HSPA14: variants seen among roughly 807,000 people sequenced by gnomAD.
HSPA14 encodes heat shock protein family A (Hsp70) member 14, also known as heat shock 70 kDa protein 14.
HSPA14 carries 37 observed loss-of-function variants against 65.5 expected under a neutral mutation model. The observed-to-expected ratio is 0.56, with a 90% CI of 0.43 to 0.74. HSPA14 has a LOEUF of 0.74. Among genes scored for constraint, HSPA14 ranks in the 30% least tolerant of loss-of-function variants. The pLI is 0.00. For synonymous variants in HSPA14, 203 were observed against 214.2 expected (o/e 0.95, Z 0.46); for missense variants, 564 against 607.6 (o/e 0.93, Z 0.75).
intron 13 of HSPA14, 56 bp from the exon 14 acceptor site, chr10:14,871,472 T>C (rs747718496): frequency 3.7e-4 from 385 of 1,029,056 alleles, no homozygotes; most frequent in Non-Finnish European, 5.5e-4. Flanking sequence ...TGTTACAGAC[T>C]TTATGTTTTT....
intron 3 of HSPA14, among the ~76,000 whole-genome samples, chr10:14,847,857 ATC>A (rs1834073857): frequency 6.6e-6 from 1 of 152,228 alleles, no homozygotes; most frequent in African/African-American, 2.4e-5. Flanking sequence ...AAGAACTGTG[ATC>A]ATTTACAAGA....
In HSPA14 at chr10:14,867,279, G is replaced by A. The variant is rs1832815401; in HGVS notation, c.1190G>A (p.Arg397Lys). Reference protein sequence around the residue: ...EDSLMIECSARDILVKGVDES... With the variant: ...EDSLMIECSAKDILVKGVDES... ...TCTCTTATGATAGAGTGTTCAGCCAGAGATATTTTAGTTAAGGTATGTTTA... is the reference window on the plus strand; with the variant it reads ...TCTCTTATGATAGAGTGTTCAGCCAAAGATATTTTAGTTAAGGTATGTTTA... Residue 397 changes from arginine to lysine, a missense_variant, in exon 11 of 14, where the codon AGA becomes AAA. Physicochemically the swap from Arg to Lys is conservative, Grantham distance 26. Coordinates refer to ENST00000378372, the MANE Select transcript of HSPA14 (RefSeq NM_016299.4). 1.9e-6 allele frequency: 3 copies of A among 1,612,700 alleles called. No homozygotes were observed. Among genetic ancestry groups the A allele is most frequent in the Admixed American group, 1.7e-5 (1 of 59,984 alleles).
rs1465530334 is a variant in HSPA14, at chr10:14,842,685, A to T, written c.221+2528A>T. On this transcript the variant is annotated intron_variant, in intron 3 of 13. Transcript: ENST00000378372. The surrounding 1 kb of genome is among the most constrained non-coding windows in gnomAD (Gnocchi z 5.2). ...GTGGCCTCTGACGCCCCAGGGGAAG[A>T]GGGAACCGGCATTCTAAAATCAAAA... is the stretch of plus-strand genomic sequence containing the variant. 3 of 1,536,354 alleles carry T rather than the reference A, an allele frequency of 2.0e-6. No homozygotes were observed. Among genetic ancestry groups the T allele is most frequent in the Non-Finnish European group, 2.6e-6 (3 of 1,146,962 alleles).
intron 12 of HSPA14, among the ~76,000 whole-genome samples, chr10:14,869,444 GCAC>G (rs1832836026): frequency 6.6e-6 from 1 of 151,862 alleles, no homozygotes; most frequent in Non-Finnish European, 1.5e-5. Flanking sequence ...CTACAGGCAT[GCAC>G]CACCACACCT....
At chr10:14,862,193 A>G (rs1446631449) in intron 10 of HSPA14, among the ~76,000 whole-genome samples, 1 of 149,334 alleles carries the variant, frequency 6.7e-6, no homozygotes, top group Non-Finnish European at 1.5e-5. Flanking sequence ...ACACCCGGCT[A>G]ATTTTTTTGT....
chr10:14,857,146 C>T (rs2131643272), intron 10 of HSPA14, among the ~76,000 whole-genome samples: 1 of 152,132 alleles, frequency 6.6e-6, no homozygotes, highest in South Asian at 2.1e-4. Flanking sequence ...TGCTAATGTC[C>T]TAAAAAGGAA....
At chr10:14,859,024 T>C (rs1231374360) in intron 10 of HSPA14, among the ~76,000 whole-genome samples, 1 of 152,086 alleles carries the variant, frequency 6.6e-6, no homozygotes, top group Non-Finnish European at 1.5e-5. Flanking sequence ...TTCTCTCATC[T>C]CTTGCTTGAG....
intron 10 of HSPA14, among the ~76,000 whole-genome samples, chr10:14,861,530 C>T (rs559523806): frequency 3.4e-4 from 51 of 152,210 alleles, no homozygotes; most frequent in African/African-American, 1.0e-3. Context: ...AGGCTGGTCT[C>T]AAACTCCTGG....
Position 14,838,479 on chromosome 10 carries a change from G to T in HSPA14, c.57+20G>T, listed in dbSNP as rs1385689652. On this transcript the variant is annotated intron_variant, in intron 1 of 13. Transcript: ENST00000378372. ...TATAAGGTGAGGGGCTGCGGAGCTGGGCTAGGGCTTCATGACGGCCACCCG... is the reference window on the plus strand; with the variant it reads ...TATAAGGTGAGGGGCTGCGGAGCTGTGCTAGGGCTTCATGACGGCCACCCG... 2 of 1,589,964 alleles carry T rather than the reference G, an allele frequency of 1.3e-6. No homozygotes were observed. Among genetic ancestry groups the T allele is most frequent in the Non-Finnish European group, 1.7e-6 (2 of 1,169,850 alleles).
intron 10 of HSPA14, among the ~76,000 whole-genome samples, chr10:14,858,426 C>T (rs1832725816): frequency 6.6e-6 from 1 of 152,188 alleles, no homozygotes; most frequent in South Asian, 2.1e-4. Flanking sequence ...AAATTGTCTT[C>T]TTAGTGTGTT....
At chr10:14,867,410 C>A in intron 11 of HSPA14, 115 bp downstream of exon 11, 1 of 695,630 alleles carries the variant, frequency 1.4e-6, no homozygotes, top group Non-Finnish European at 2.4e-6. Flanking sequence ...TACAATAAAA[C>A]CTTGTATACT....
intron 10 of HSPA14, among the ~76,000 whole-genome samples, chr10:14,856,256 T>C (rs1398557297): frequency 1.3e-5 from 2 of 152,220 alleles, no homozygotes; most frequent in African/African-American, 2.4e-5. Context: ...TATTAACTTG[T>C]TGAATACTCA....
rs568092791 is a variant in HSPA14, at chr10:14,868,185, G to A, written c.1380+276G>A. 2.6e-5 allele frequency among the ~76,000 whole-genome samples: 4 copies of A among 152,298 alleles called. No individual in the cohort carries two copies. In the East Asian group the frequency reaches 7.7e-4, roughly 29 times the overall value. ...ACCTTGGTAGTTAGGTAAGTGGAAT[G>A]GGAGAATTATATTTTTTGGTTCATG... On this transcript the variant is annotated intron_variant, in intron 12 of 13. Coordinates refer to ENST00000378372, the MANE Select transcript of HSPA14 (RefSeq NM_016299.4).
At chr10:14,846,235 G>A (rs1834051321) in intron 3 of HSPA14, 1 of 985,166 alleles carries the variant, frequency 1.0e-6, no homozygotes, top group Non-Finnish European at 1.2e-6. Flanking sequence ...AGGTAGGTAG[G>A]TAGGTAGGTA....
intron 3 of HSPA14, among the ~76,000 whole-genome samples, chr10:14,840,437 T>G (rs1833959212): frequency 6.6e-6 from 1 of 152,210 alleles, no homozygotes; most frequent in African/African-American, 2.4e-5. Flanking sequence ...TTTTAGATTT[T>G]TTTTAACTGA....
chr10:14,856,629 A>G (rs1022130525), intron 10 of HSPA14, among the ~76,000 whole-genome samples: 1 of 152,138 alleles, frequency 6.6e-6, no homozygotes, highest in Non-Finnish European at 1.5e-5. Flanking sequence ...TGGGAGGTCA[A>G]GGAGGGAGGA....
At chr10:14,861,840 C>T (rs1832752235) in intron 10 of HSPA14, among the ~76,000 whole-genome samples, 1 of 151,626 alleles carries the variant, frequency 6.6e-6, no homozygotes, top group Non-Finnish European at 1.5e-5. Context: ...GGTGAAACAC[C>T]GTCTCTACTA....
intron 9 of HSPA14, 104 bp downstream of exon 9, chr10:14,854,384 T>G: frequency 1.1e-6 from 1 of 934,106 alleles, no homozygotes; most frequent in Non-Finnish European, 1.6e-6. Flanking sequence ...TTGAGATTTA[T>G]CAACCATCTA....
Position 14,863,528 on chromosome 10 carries a change from AAC to A in HSPA14, c.994-3553_994-3552del, listed in dbSNP as rs1832775216. Among the ~76,000 whole-genome samples, 14 of 152,274 alleles carry A rather than the reference AAC, an allele frequency of 9.2e-5. No individual in the cohort carries two copies. The South Asian group carries it at 2.9e-3, about 32-fold the overall frequency. On this transcript the variant is annotated intron_variant, in intron 10 of 13. Coordinates refer to ENST00000378372, the MANE Select transcript of HSPA14 (RefSeq NM_016299.4). Reference sequence around the variant, plus strand: ...AAGGTGTCTATCATAAACTGAGTGTAACAGTCCTGTCCCCTAACCCAGGCTTA... The same window carrying A: ...AAGGTGTCTATCATAAACTGAGTGTAAGTCCTGTCCCCTAACCCAGGCTTA...
Sources: allele counts gnomAD v4.1 joint callset (sites outside exome capture counted in the v4.1 genomes callset), GRCh38; gene constraint gnomAD v4.1.1; non-coding constraint Gnocchi (gnomAD v3.1); transcripts MANE v1.5; gene names NCBI Gene and HGNC (gene_info 2026-07-23, HGNC 2026-07-21).